Variants in IQUB observed in about 807,000 individuals in gnomAD.
The protein encoded by IQUB is IQ motif and ubiquitin domain containing.
IQUB carries 86 observed loss-of-function variants against 86.4 expected under a neutral mutation model. That is an observed-to-expected ratio of 1.00 (90% CI 0.84 to 1.19). IQUB has a LOEUF of 1.19. Ranked by LOEUF, IQUB falls within the 50% of genes most tolerant of loss-of-function variation. The pLI, the probability that IQUB is intolerant of heterozygous loss-of-function variation, is 0.00. For missense variants in IQUB, 946 were observed against 916.9 expected (o/e 1.03, Z -0.41); for synonymous variants, 289 against 304.5 (o/e 0.95, Z 0.53).
intron 1 of IQUB, among the ~76,000 whole-genome samples, chr7:123,528,248 A>T (rs892076143): frequency 1.5e-4 from 23 of 152,364 alleles, no homozygotes; most frequent in Admixed American, 4.6e-4. Flanking sequence ...CCTGTACCTC[A>T]GATGGAAATG....
chr7:123,470,706 C>T (rs1794480684), intron 8 of IQUB, among the ~76,000 whole-genome samples: 1 of 152,018 alleles, frequency 6.6e-6, no homozygotes, highest in South Asian at 2.1e-4. Context: ...AAAAAATTAG[C>T]CGGGCGTGGT....
chr7:123,511,726 T>C (rs1216687846), intron 2 of IQUB, among the ~76,000 whole-genome samples: 1 of 152,218 alleles, frequency 6.6e-6, no homozygotes, highest in Non-Finnish European at 1.5e-5. Context: ...AATTTAATGA[T>C]GCTCATTCAT....
Position 123,529,487 on chromosome 7 carries a change from T to C in IQUB, c.-5+5005A>G, listed in dbSNP as rs1797417101. On this transcript the variant is annotated intron_variant, in intron 1 of 12. Coordinates refer to ENST00000324698, the MANE Select transcript of IQUB (RefSeq NM_178827.5). ...TAAGCTGTCTCTAGTGTTTTTTTTT[T>C]GTTTTAATAGGATAATTTATTTTTT... Among the ~76,000 whole-genome samples the C allele has an allele frequency of 4.0e-5, 6 of 151,394 alleles. No homozygotes were observed. The South Asian group carries it at 1.2e-3, about 31-fold the overall frequency.
intron 7 of IQUB, among the ~76,000 whole-genome samples, chr7:123,492,444 T>C (rs931399211): frequency 1.3e-5 from 2 of 152,210 alleles, no homozygotes; most frequent in African/African-American, 2.4e-5. Flanking sequence ...GGAGAAAAGC[T>C]GTGTGACCTT....
intron 7 of IQUB, among the ~76,000 whole-genome samples, chr7:123,494,179 T>C (rs1795612340): frequency 6.6e-6 from 1 of 152,230 alleles, no homozygotes; most frequent in South Asian, 2.1e-4. Flanking sequence ...ACCCTCAACA[T>C]ACTGCTATAA....
rs139559486 is a variant in IQUB at position 123,493,576 on chromosome 7, G to T, written c.1234+3120C>A. Among the ~76,000 whole-genome samples, 285 of 152,218 alleles carry T rather than the reference G, an allele frequency of 1.9e-3. 2 individuals are homozygous for T. The highest frequency in any genetic ancestry group is 6.5e-3 in the African/African-American group (272 of 41,528). ...AGAAGCGTCCAATGTTGGAGTGGAT[G>T]ACAGCAATTAAAACTCTGATACTCT... On this transcript the variant is annotated intron_variant, in intron 7 of 12. Coordinates refer to ENST00000324698, the MANE Select transcript of IQUB (RefSeq NM_178827.5).
intron 8 of IQUB, among the ~76,000 whole-genome samples, chr7:123,470,049 A>G (rs77765043): frequency 0.016 from 2,426 of 152,262 alleles, 61 homozygotes; most frequent in African/African-American, 0.055. Context: ...TGAAGGGCCA[A>G]AAATGAAGTT....
intron 1 of IQUB, among the ~76,000 whole-genome samples, chr7:123,526,906 C>CT (rs1797245275): frequency 6.6e-6 from 1 of 152,102 alleles, no homozygotes; most frequent in African/African-American, 2.4e-5. Flanking sequence ...GTGACAAAAT[C>CT]TCTCAGCATT....
intron 6 of IQUB, chr7:123,501,004 G>A (rs1408564281): frequency 6.6e-6 from 1 of 152,044 alleles, no homozygotes; most frequent in Admixed American, 6.6e-5. Flanking sequence ...TCTCATTGAG[G>A]AGCAATGATA....
At chr7:123,481,938 A>G (rs1176633418) in intron 7 of IQUB, among the ~76,000 whole-genome samples, 1 of 152,132 alleles carries the variant, frequency 6.6e-6, no homozygotes, top group Admixed American at 6.6e-5. Flanking sequence ...AAAATAAGAT[A>G]ATTTTGTAGA....
At chr7:123,493,867 G>C (rs1459639789) in intron 7 of IQUB, among the ~76,000 whole-genome samples, 1 of 149,304 alleles carries the variant, frequency 6.7e-6, no homozygotes, top group Non-Finnish European at 1.5e-5. Flanking sequence ...CCAAAAACTA[G>C]TTGGGGGGGC....
chr7:123,515,601 T>C (rs1048489831), intron 1 of IQUB, among the ~76,000 whole-genome samples: 27 of 152,140 alleles, frequency 1.8e-4, no homozygotes, highest in African/African-American at 5.8e-4. Flanking sequence ...AGGTACATCA[T>C]TTGCATCACC....
intron 1 of IQUB, among the ~76,000 whole-genome samples, chr7:123,526,128 G>C: frequency 6.9e-6 from 1 of 145,926 alleles, no homozygotes; most frequent in East Asian, 2.0e-4. Context: ...CCAAGTATGT[G>C]GTCAATTTTG....
At chr7:123,510,476 T>C (rs992200332) in intron 2 of IQUB, among the ~76,000 whole-genome samples, 7 of 152,066 alleles carry the variant, frequency 4.6e-5, no homozygotes, top group African/African-American at 1.4e-4. Context: ...AGAATCAAGA[T>C]ACTTACACAT....
chr7:123,476,764 G>T (rs1044773644), intron 8 of IQUB, among the ~76,000 whole-genome samples: 2 of 151,482 alleles, frequency 1.3e-5, no homozygotes, highest in Non-Finnish European at 2.9e-5. Flanking sequence ...AGGCCTATTT[G>T]ATATATGCAG....
At chr7:123,454,528 A>G (rs755031766) in intron 12 of IQUB, among the ~76,000 whole-genome samples, 1 of 152,142 alleles carries the variant, frequency 6.6e-6, no homozygotes, top group Non-Finnish European at 1.5e-5. Flanking sequence ...CCTAAGAAAT[A>G]GTAGTTATCA....
chr7:123,467,529 C>A (rs1038908806), intron 9 of IQUB, among the ~76,000 whole-genome samples: 1 of 152,166 alleles, frequency 6.6e-6, no homozygotes, highest in Non-Finnish European at 1.5e-5. Context: ...GACCCAGGAT[C>A]CTGTGAGAGT....
intron 7 of IQUB, among the ~76,000 whole-genome samples, chr7:123,480,456 T>C (rs1050854047): frequency 6.6e-6 from 1 of 152,122 alleles, no homozygotes; most frequent in Non-Finnish European, 1.5e-5. Context: ...TGACTATATG[T>C]GCCCAACAGT....
intron 12 of IQUB, among the ~76,000 whole-genome samples, chr7:123,453,261 A>AAG (rs1426611936): frequency 6.2e-5 from 5 of 80,168 alleles, no homozygotes; most frequent in Non-Finnish European, 1.5e-4. Flanking sequence ...GTATCTAGTT[A>AAG]GAATATATAT....
Sources: allele counts gnomAD v4.1 joint callset (sites outside exome capture counted in the v4.1 genomes callset), GRCh38; gene constraint gnomAD v4.1.1; transcripts MANE v1.5; gene names NCBI Gene and HGNC (gene_info 2026-07-23, HGNC 2026-07-21).